The following CD274 variants were observed in gnomAD, a reference collection of about 807,000 sequenced individuals.
The protein encoded by CD274 is CD274 molecule.
Under a neutral mutation model 30.1 loss-of-function variants are expected in CD274, and 8 were observed. The ratio of observed to expected loss-of-function variants is 0.27; its 90% CI spans 0.16 to 0.48. CD274 has a LOEUF of 0.48. Ranked by LOEUF, CD274 falls within the 20% of genes least tolerant of loss-of-function variation. The pLI, the probability that CD274 is intolerant of heterozygous loss-of-function variation, is 0.99. For missense variants in CD274, 353 were observed against 346.6 expected, an observed-to-expected ratio of 1.02 and a Z score of -0.15; for synonymous variants, 152 against 124.6, an observed-to-expected ratio of 1.22 and a Z score of -1.46.
At chr9:5,464,762 T>C (rs1453376980) in intron 4 of CD274, among the ~76,000 whole-genome samples, 4 of 152,162 alleles carry the variant, frequency 2.6e-5, no homozygotes, top group Admixed American at 6.6e-5. Flanking sequence ...ATCTCTGCCA[T>C]GTACTGTAGG....
At position 5,469,032 on chromosome 9, in the gene CD274, G is replaced by T; in HGVS notation, c.*1170G>T. ...TCCAGTGTCATAGCATAAGGATGATGCGAGGGGAAAACCCGAGCAGTGTTG... is the reference window on the plus strand; with the variant it reads ...TCCAGTGTCATAGCATAAGGATGATTCGAGGGGAAAACCCGAGCAGTGTTG... On this transcript the variant is annotated 3_prime_UTR_variant, in exon 7 of 7. Coordinates refer to ENST00000381577, the MANE Select transcript of CD274 (RefSeq NM_014143.4). 1 of 233,128 alleles carries T rather than the reference G, an allele frequency of 4.3e-6. No individual in the cohort carries two copies. Among genetic ancestry groups the T allele is most frequent in the Non-Finnish European group, 8.5e-6 (1 of 117,938 alleles). The allele number at this position is 233,128 out of a possible 1,614,324, so 14.4% of individuals were successfully genotyped here. A position where few individuals can be genotyped will look rare whatever the true frequency, so the allele number is the denominator to read the frequency against.
intron 4 of CD274, among the ~76,000 whole-genome samples, chr9:5,463,720 C>A (rs149216995): frequency 6.6e-6 from 1 of 152,312 alleles, no homozygotes; most frequent in Non-Finnish European, 1.5e-5. Context: ...TGTCCCTGGG[C>A]AAATTACTAG....
At chr9:5,464,277 C>T (rs1185990388) in intron 4 of CD274, among the ~76,000 whole-genome samples, 2 of 152,092 alleles carry the variant, frequency 1.3e-5, no homozygotes, top group Non-Finnish European at 2.9e-5. Context: ...AGTAACTCAC[C>T]TAACTGCACT....
Position 5,463,221 on chromosome 9 carries a change from A to G in CD274, c.682+100A>G, listed in dbSNP as rs186267760. ...TAGTCATTCAGTGATTGTTGAATAA[A>G]TGAATGAATGAATAACACTATGTTT... is the stretch of plus-strand genomic sequence containing the variant. On this transcript the variant is annotated intron_variant, in intron 4 of 6. Transcript: ENST00000381577. The G allele has an allele frequency of 6.9e-5, 59 of 857,750 alleles. No individual in the cohort carries two copies. In the East Asian group the frequency reaches 1.2e-3, roughly 18 times the overall value. 53.1% of individuals were successfully genotyped at this position (857,750 alleles called of 1,614,324 possible).
chr9:5,464,032 C>T (rs912377171), intron 4 of CD274, among the ~76,000 whole-genome samples: 3 of 151,996 alleles, frequency 2.0e-5, no homozygotes, highest in East Asian at 1.9e-4. Context: ...GAAAATGCCA[C>T]GTACTTCAGC....
chr9:5,465,696 C>T (rs181998329), intron 5 of CD274, 90 bp downstream of exon 5: 2 of 770,210 alleles, frequency 2.6e-6, no homozygotes, highest in South Asian at 3.0e-5. Context: ...GACTTAACCT[C>T]TGCAAGGTGG....
intron 1 of CD274, among the ~76,000 whole-genome samples, chr9:5,455,856 G>A (rs557731956): frequency 6.6e-6 from 1 of 152,188 alleles, no homozygotes; most frequent in East Asian, 1.9e-4. Flanking sequence ...TTCACGGCCT[G>A]TAACTATAAT....
At chr9:5,463,219 AAATG>A (rs1163988957) in intron 4 of CD274, 98 bp downstream of exon 4, 3 of 905,054 alleles carry the variant, frequency 3.3e-6, no homozygotes, top group African/African-American at 1.7e-5. Flanking sequence ...ATTGTTGAAT[AAATG>A]AATGAATGAA....
intron 4 of CD274, 64 bp from the exon 5 acceptor site, chr9:5,465,435 C>T (rs1819480630): frequency 1.1e-6 from 1 of 928,448 alleles, no homozygotes. Flanking sequence ...GACCATTCTC[C>T]TGACCCCTTC....
At chr9:5,462,294 A>C (rs1265268016) in intron 3 of CD274, among the ~76,000 whole-genome samples, 1 of 152,188 alleles carries the variant, frequency 6.6e-6, no homozygotes, top group Non-Finnish European at 1.5e-5. Flanking sequence ...AAAAGAAAGC[A>C]TACCAGCTGG....
Position 5,465,519 on chromosome 9 carries a change from C to G in CD274, c.703C>G (p.Pro235Ala), listed in dbSNP as rs2131229754. Reference protein sequence around the residue: ...VIPELPLAHPPNERTHLVILG... With the variant: ...VIPELPLAHPANERTHLVILG... The stretch of plus-strand genomic sequence containing the variant: ...TTCAGAACTACCTCTGGCACATCCT[C>G]CAAATGAAAGGACTCACTTGGTAAT... The change falls in exon 5 of 7, where the codon CCA (proline) becomes GCA (alanine). Residue 235 changes from proline (P) to alanine (A), a missense_variant. Physicochemically the swap from Pro to Ala is conservative, Grantham distance 27 (BLOSUM62 -1). Coordinates refer to ENST00000381577, the MANE Select transcript of CD274 (RefSeq NM_014143.4). 1.5e-5 allele frequency: 24 copies of G among 1,609,774 alleles called. No homozygotes were observed. The highest frequency in any genetic ancestry group is 2.0e-5 in the Non-Finnish European group (23 of 1,176,108).
intron 3 of CD274, among the ~76,000 whole-genome samples, chr9:5,458,574 T>C (rs1819347804): frequency 6.6e-6 from 1 of 152,188 alleles, no homozygotes. Flanking sequence ...GTAGAAAAAG[T>C]ATACATTTGT....
chr9:5,459,803 G>C (rs1275515865), intron 3 of CD274, among the ~76,000 whole-genome samples: 1 of 152,116 alleles, frequency 6.6e-6, no homozygotes, highest in Admixed American at 6.5e-5. Context: ...AATGAGATTA[G>C]GCAGCTGAAA....
In CD274 at chr9:5,470,213, GT is replaced by G; in HGVS notation, c.*2354del. The G allele has an allele frequency of 4.3e-6, 1 of 232,688 alleles. No homozygotes were observed. Among genetic ancestry groups the G allele is most frequent in the African/African-American group, 2.2e-5 (1 of 45,300 alleles). 14.4% of individuals were successfully genotyped at this position (232,688 alleles called of 1,614,324 possible). A position where few individuals can be genotyped will look rare whatever the true frequency, so the allele number is the denominator to read the frequency against. On this transcript the variant is annotated 3_prime_UTR_variant, in exon 7 of 7. Coordinates refer to ENST00000381577, the MANE Select transcript of CD274 (RefSeq NM_014143.4). The stretch of plus-strand genomic sequence containing the variant: ...TCCAACAGAGCTCCTTGTGTTATCT[GT>G]TTGTACATGTGCATTTGTACAGTAA...
chr9:5,463,158 C>G (rs777147127), intron 4 of CD274, 37 bp downstream of exon 4: 1 of 1,520,264 alleles, frequency 6.6e-7, no homozygotes, highest in Non-Finnish European at 9.1e-7. Context: ...ATATGTCTAA[C>G]ACTGTCCCCT....
intron 2 of CD274, among the ~76,000 whole-genome samples, chr9:5,456,688 G>T (rs1819310224): frequency 6.6e-6 from 1 of 152,212 alleles, no homozygotes; most frequent in Non-Finnish European, 1.5e-5. Context: ...AAAAAGAGAT[G>T]ACTGTTAGAA....
At chr9:5,462,781 T>C (rs2131222468) in intron 3 of CD274, 53 bp from the exon 4 acceptor site, 1 of 1,514,322 alleles carries the variant, frequency 6.6e-7, no homozygotes, top group African/African-American at 1.4e-5. Context: ...TCAAGCTATG[T>C]ACGTAGTTCT....
Position 5,454,865 on chromosome 9 carries a change from T to G in CD274, c.-14-1235T>G, listed in dbSNP as rs552141359. ...TCAAGCTCATAAGTGAAAATGGTAT[T>G]TCATATCTTATATTTTTTATTGTGA... On this transcript the variant is annotated intron_variant, in intron 1 of 6. Transcript: ENST00000381577. Among the ~76,000 whole-genome samples, 5 of 152,336 alleles carry G rather than the reference T, an allele frequency of 3.3e-5. No individual in the cohort carries two copies. In the South Asian group the frequency reaches 6.2e-4, roughly 19 times the overall value.
intron 4 of CD274, among the ~76,000 whole-genome samples, chr9:5,464,483 G>A (rs1166588280): frequency 6.6e-6 from 1 of 152,150 alleles, no homozygotes; most frequent in Non-Finnish European, 1.5e-5. Flanking sequence ...GGTCTCAGTG[G>A]AGAGCTGAGC....
Sources: allele counts gnomAD v4.1 joint callset (sites outside exome capture counted in the v4.1 genomes callset), GRCh38; gene constraint gnomAD v4.1.1; transcripts MANE v1.5; gene names NCBI Gene and HGNC (gene_info 2026-07-23, HGNC 2026-07-21).